The following DLG2 variants were observed in gnomAD, a reference collection of about 807,000 sequenced individuals.
DLG2 encodes the protein discs large MAGUK scaffold protein 2.
A neutral mutation model predicts 132.5 loss-of-function variants in DLG2; 45 were observed. The ratio of observed to expected loss-of-function variants is 0.34; its 90% CI spans 0.27 to 0.44. The LOEUF is 0.44. Among genes scored for constraint, DLG2 ranks in the 20% least tolerant of loss-of-function variants. The pLI, the probability that DLG2 is intolerant of heterozygous loss-of-function variation, is 1.00. For missense variants in DLG2, 1,045 were observed against 1,196.9 expected, an observed-to-expected ratio of 0.87 and a Z score of 1.87; for synonymous variants, 424 against 419.6, an observed-to-expected ratio of 1.01 and a Z score of -0.13.
intron 8 of DLG2, among the ~76,000 whole-genome samples, chr11:84,170,080 T>C (rs2095786309): frequency 6.6e-6 from 1 of 152,140 alleles, no homozygotes; most frequent in East Asian, 1.9e-4. Context: ...TTTACCCTTG[T>C]ACCTTCTGAC....
chr11:84,406,283 C>G (rs116689280), intron 7 of DLG2, among the ~76,000 whole-genome samples: 2,095 of 152,138 alleles, frequency 0.014, 51 homozygotes, highest in African/African-American at 0.048. Context: ...AAACTAATAC[C>G]TGACCTTTTT....
intron 7 of DLG2, among the ~76,000 whole-genome samples, chr11:84,356,041 G>A (rs767086742): frequency 1.3e-5 from 2 of 152,102 alleles, no homozygotes; most frequent in African/African-American, 4.8e-5. Context: ...GAACCTGAAA[G>A]TAGAAGCAAA....
intron 6 of DLG2, among the ~76,000 whole-genome samples, chr11:85,075,191 A>G (rs2066364318): frequency 1.3e-5 from 2 of 151,936 alleles, no homozygotes; most frequent in African/African-American, 4.8e-5. Flanking sequence ...GAGGAAACTG[A>G]TATTGTTTTA....
chr11:84,210,959 T>A (rs1311174252), intron 8 of DLG2, among the ~76,000 whole-genome samples: 1 of 152,220 alleles, frequency 6.6e-6, no homozygotes, highest in African/African-American at 2.4e-5. Context: ...CACTTTAAGA[T>A]CTGTGCATTT....
At chr11:84,973,131 G>A (rs909276588) in intron 6 of DLG2, among the ~76,000 whole-genome samples, 7 of 151,648 alleles carry the variant, frequency 4.6e-5, no homozygotes, top group Non-Finnish European at 8.8e-5. Context: ...CTAATTTTTT[G>A]TATTTTTAGT....
intron 11 of DLG2, among the ~76,000 whole-genome samples, chr11:84,048,031 C>T (rs892876076): frequency 6.6e-6 from 1 of 151,530 alleles, no homozygotes; most frequent in Non-Finnish European, 1.5e-5. Context: ...TCCCAATTCA[C>T]AAGCATATGT....
intron 18 of DLG2, among the ~76,000 whole-genome samples, chr11:83,689,945 T>TAA (rs1566547940): frequency 3.6e-5 from 5 of 139,002 alleles, no homozygotes; most frequent in African/African-American, 1.3e-4. Context: ...ATAATATATA[T>TAA]TATATATATT....
At chr11:83,975,800 C>A (rs2092120659) in intron 12 of DLG2, among the ~76,000 whole-genome samples, 1 of 151,820 alleles carries the variant, frequency 6.6e-6, no homozygotes, top group Admixed American at 6.6e-5. Flanking sequence ...TAGTCTTCAC[C>A]TTTTTGTTTT....
At chr11:84,287,509 G>A (rs904674349) in intron 7 of DLG2, among the ~76,000 whole-genome samples, 59 of 151,970 alleles carry the variant, frequency 3.9e-4, no homozygotes, top group African/African-American at 1.4e-3. Context: ...ACACTTTTAG[G>A]ATATTAAAAT....
chr11:85,200,303 T>C (rs2081370359), intron 4 of DLG2, among the ~76,000 whole-genome samples: 1 of 152,224 alleles, frequency 6.6e-6, no homozygotes, highest in Admixed American at 6.5e-5. Context: ...GGAATCATCT[T>C]AGCAAAGAGG....
chr11:83,893,904 A>T (rs2070753373), intron 15 of DLG2, among the ~76,000 whole-genome samples: 1 of 152,216 alleles, frequency 6.6e-6, no homozygotes, highest in Non-Finnish European at 1.5e-5. Context: ...ATCCAGTCAA[A>T]CACCCTGCTG....
At chr11:85,045,864 C>G (rs549198984) in intron 6 of DLG2, among the ~76,000 whole-genome samples, 2 of 152,038 alleles carry the variant, frequency 1.3e-5, no homozygotes, top group African/African-American at 4.8e-5. Flanking sequence ...CTAGCGATGT[C>G]TGTTATTCTC....
intron 3 of DLG2, among the ~76,000 whole-genome samples, chr11:85,316,751 A>G (rs762998106): frequency 9.9e-5 from 15 of 151,948 alleles, no homozygotes; most frequent in Admixed American, 2.0e-4. Context: ...GGCAGAAGAA[A>G]AAAAACAGGT....
At chr11:84,391,774 C>G (rs1487583430) in intron 7 of DLG2, among the ~76,000 whole-genome samples, 1 of 150,040 alleles carries the variant, frequency 6.7e-6, no homozygotes, top group East Asian at 2.0e-4. Flanking sequence ...TTAAATTTAG[C>G]TTGGGATTTT....
At chr11:83,572,309 G>A (rs188066219) in intron 19 of DLG2, among the ~76,000 whole-genome samples, 16 of 152,150 alleles carry the variant, frequency 1.1e-4, no homozygotes, top group African/African-American at 2.6e-4. Context: ...AAATAGAAAC[G>A]GGAATGTGAG....
At chr11:84,914,844 G>C (rs940096278) in intron 6 of DLG2, among the ~76,000 whole-genome samples, 2 of 152,140 alleles carry the variant, frequency 1.3e-5, no homozygotes, top group Admixed American at 6.5e-5. Flanking sequence ...CTTTCTCTTG[G>C]GGTTATTGTG....
chr11:85,310,927 A>G (rs567482879), intron 3 of DLG2, among the ~76,000 whole-genome samples: 2 of 152,302 alleles, frequency 1.3e-5, no homozygotes, highest in South Asian at 4.1e-4. Context: ...TAATAAACAC[A>G]GATGCTTAAT....
At chr11:85,340,770 T>C (rs2082437410) in intron 3 of DLG2, among the ~76,000 whole-genome samples, 1 of 152,232 alleles carries the variant, frequency 6.6e-6, no homozygotes, top group Admixed American at 6.5e-5. Flanking sequence ...CAATTGGTAG[T>C]CAAATTTATC....
At chr11:85,395,741 GT>G (rs2087283489) in intron 3 of DLG2, among the ~76,000 whole-genome samples, 1 of 152,018 alleles carries the variant, frequency 6.6e-6, no homozygotes, top group Non-Finnish European at 1.5e-5. Flanking sequence ...GTAGCTCACA[GT>G]GTAAACAAAG....
Sources: allele counts gnomAD v4.1 joint callset (sites outside exome capture counted in the v4.1 genomes callset), GRCh38; gene constraint gnomAD v4.1.1; transcripts MANE v1.5; gene names NCBI Gene and HGNC (gene_info 2026-07-23, HGNC 2026-07-21).